The following ADGRL2 variants were observed in gnomAD, a reference collection of about 807,000 sequenced individuals.
ADGRL2 encodes calcium-independent alpha-latrotoxin receptor 2.
In ADGRL2, 44 loss-of-function variants were observed where a neutral mutation model predicts 157.4. The observed-to-expected ratio is 0.28, with a 90% CI of 0.22 to 0.36. ADGRL2 has a LOEUF of 0.36. Among genes scored for constraint, ADGRL2 ranks in the 10% least tolerant of loss-of-function variants. ADGRL2 has a pLI of 1.00. For synonymous variants in ADGRL2, 585 were observed against 624.7 expected, an observed-to-expected ratio of 0.94 and a Z score of 0.95; for missense variants, 1,510 against 1,768.9, an observed-to-expected ratio of 0.85 and a Z score of 2.63.
intron 2 of ADGRL2, among the ~76,000 whole-genome samples, chr1:81,534,929 G>A (rs1051386069): frequency 6.6e-6 from 1 of 152,176 alleles, no homozygotes; most frequent in South Asian, 2.1e-4. Context: ...GGTGAATATT[G>A]TGATTTTTAT....
chr1:81,708,561 C>A (rs1359283111), intron 1 of ADGRL2, among the ~76,000 whole-genome samples: 1 of 152,000 alleles, frequency 6.6e-6, no homozygotes, highest in Non-Finnish European at 1.5e-5. Context: ...TGTTTCTGCA[C>A]ACATTTTCCT....
chr1:81,402,397 C>T (rs1389938552), intron 1 of ADGRL2, among the ~76,000 whole-genome samples: 1 of 152,176 alleles, frequency 6.6e-6, no homozygotes, highest in East Asian at 1.9e-4. Context: ...CAAGTTCCTG[C>T]ACCCAGGGTC....
intron 3 of ADGRL2, among the ~76,000 whole-genome samples, chr1:81,643,070 G>A (rs139022541): frequency 0.013 from 1,988 of 152,284 alleles, 17 homozygotes; most frequent in Middle Eastern, 0.031. Flanking sequence ...CATACTGAAA[G>A]TCATAGCAAA....
intron 2 of ADGRL2, among the ~76,000 whole-genome samples, chr1:81,843,596 A>G (rs1046797473): frequency 6.6e-6 from 1 of 152,180 alleles, no homozygotes; most frequent in African/African-American, 2.4e-5. Flanking sequence ...ATGCCTTTAC[A>G]AATTGTATGA....
intron 1 of ADGRL2, among the ~76,000 whole-genome samples, chr1:81,806,289 G>C (rs1306753146): frequency 2.6e-5 from 4 of 151,994 alleles, no homozygotes; most frequent in African/African-American, 9.7e-5. Flanking sequence ...TAAATATACA[G>C]ATCTCACATG....
chr1:81,918,363 C>T (rs564658715), intron 3 of ADGRL2, among the ~76,000 whole-genome samples: 46 of 152,032 alleles, frequency 3.0e-4, no homozygotes, highest in African/African-American at 1.1e-3. Flanking sequence ...AGAAGCTAGT[C>T]TATGGAAAAA....
chr1:81,763,912 A>AG (rs935111498), intron 2 of ADGRL2, among the ~76,000 whole-genome samples: 1 of 152,058 alleles, frequency 6.6e-6, no homozygotes, highest in Admixed American at 6.6e-5. Flanking sequence ...AGGCTGAGGC[A>AG]GGGGGATCGC....
intron 3 of ADGRL2, among the ~76,000 whole-genome samples, chr1:81,912,069 T>TA (rs1344052825): frequency 6.7e-6 from 1 of 150,258 alleles, no homozygotes; most frequent in East Asian, 2.0e-4. Context: ...TTTTATTTTT[T>TA]TTTATTTTTT....
chr1:81,965,949 A>G, intron 11 of ADGRL2, 109 bp from the exon 12 acceptor site: 1 of 1,139,044 alleles, frequency 8.8e-7, no homozygotes, highest in African/African-American at 1.5e-5. Flanking sequence ...AAAATTTTTT[A>G]AGTAGGCAAA....
At chr1:81,448,829 G>A (rs1425645371) in intron 2 of ADGRL2, among the ~76,000 whole-genome samples, 1 of 152,062 alleles carries the variant, frequency 6.6e-6, no homozygotes, top group Admixed American at 6.6e-5. Flanking sequence ...GATATTTGGA[G>A]ACTATTTTTC....
Position 81,377,621 on chromosome 1 carries a change from C to A in ADGRL2, c.-301-67415C>A, listed in dbSNP as rs373983269. The stretch of plus-strand genomic sequence containing the variant: ...ATTCCTGCAGGGGTCATGATACGCA[C>A]GTCACCAGCCCACATCCAGGTTGAT... On this transcript the variant is annotated intron_variant, in intron 1 of 24. Transcript: ENST00000370721. Among the ~76,000 whole-genome samples the A allele has an allele frequency of 5.3e-4, 80 of 152,172 alleles. 1 individual carries two copies. The South Asian group carries it at 0.016, about 30-fold the overall frequency.
At position 81,951,002 on chromosome 1, in the gene ADGRL2, T is replaced by C. The variant is rs777293569; in HGVS notation, c.1505-16T>C. The C allele has an allele frequency of 1.9e-6, 3 of 1,554,280 alleles. No homozygotes were observed. In the South Asian group the frequency reaches 3.4e-5, roughly 17 times the overall value. On this transcript the variant is annotated splice_polypyrimidine_tract_variant and intron_variant, in intron 7 of 23. Transcript: ENST00000686636. ...AATGGTTTCAATTTCACTGTTGTTT[T>C]CTACATCTGTTGTAGGAACTGCCTC... is the stretch of plus-strand genomic sequence containing the variant.
chr1:81,510,329 T>A (rs79329471), intron 2 of ADGRL2, among the ~76,000 whole-genome samples: 2,796 of 152,192 alleles, frequency 0.018, 75 homozygotes, highest in African/African-American at 0.064. Flanking sequence ...AGTGGCCCAA[T>A]TTTGAGAAAT....
intron 1 of ADGRL2, among the ~76,000 whole-genome samples, chr1:81,380,157 C>T (rs1468917542): frequency 6.6e-6 from 1 of 152,124 alleles, no homozygotes; most frequent in African/African-American, 2.4e-5. Context: ...TTTTTTTCTC[C>T]AGTCTAAATT....
chr1:81,871,247 C>T (rs2093686222), intron 2 of ADGRL2, among the ~76,000 whole-genome samples: 1 of 152,038 alleles, frequency 6.6e-6, no homozygotes, highest in African/African-American at 2.4e-5. Context: ...GTCCATGTCC[C>T]TACAAAGGAC....
intron 2 of ADGRL2, among the ~76,000 whole-genome samples, chr1:81,774,615 C>T (rs1054192267): frequency 6.6e-6 from 1 of 152,060 alleles, no homozygotes; most frequent in Non-Finnish European, 1.5e-5. Flanking sequence ...CTTATTTTTG[C>T]CCATCTTTTT....
At chr1:81,563,853 A>C (rs758674388) in intron 2 of ADGRL2, among the ~76,000 whole-genome samples, 3 of 152,202 alleles carry the variant, frequency 2.0e-5, no homozygotes, top group African/African-American at 7.2e-5. Context: ...AAAGACACAT[A>C]GTTGTCATAG....
chr1:81,438,814 A>G (rs1190166385), intron 1 of ADGRL2, among the ~76,000 whole-genome samples: 3 of 152,082 alleles, frequency 2.0e-5, no homozygotes, highest in Non-Finnish European at 2.9e-5. Context: ...ATATATTTCT[A>G]TTACTCAGGA....
intron 1 of ADGRL2, among the ~76,000 whole-genome samples, chr1:81,359,459 T>C (rs377294381): frequency 6.6e-6 from 1 of 152,042 alleles, no homozygotes; most frequent in Non-Finnish European, 1.5e-5. Flanking sequence ...ACTACCTTTA[T>C]TTGAAATCTG....
Sources: allele counts gnomAD v4.1 joint callset (sites outside exome capture counted in the v4.1 genomes callset), GRCh38; gene constraint gnomAD v4.1.1; transcripts MANE v1.5; gene names NCBI Gene and HGNC (gene_info 2026-07-23, HGNC 2026-07-21).